The following ESRRG variants were observed in gnomAD, a reference collection of about 807,000 sequenced individuals.
ESRRG encodes the protein estrogen-related receptor gamma.
Under a neutral mutation model 44.0 loss-of-function variants are expected in ESRRG, and 13 were observed. The ratio of observed to expected loss-of-function variants is 0.30; its 90% CI spans 0.19 to 0.47. The LOEUF is 0.47. Ranked by LOEUF, ESRRG falls within the 20% of genes least tolerant of loss-of-function variation. The pLI, the probability that ESRRG is intolerant of heterozygous loss-of-function variation, is 1.00. For synonymous variants in ESRRG, 215 were observed against 214.6 expected (o/e 1.00, Z -0.02); for missense variants, 395 against 580.6 (o/e 0.68, Z 3.29).
chr1:216,610,679 G>A (rs2060527610), intron 3 of ESRRG, among the ~76,000 whole-genome samples: 1 of 152,094 alleles, frequency 6.6e-6, no homozygotes, highest in Admixed American at 6.5e-5. Flanking sequence ...AAAAAATTGT[G>A]TGTGTGTGTG....
chr1:216,740,731 C>A (rs144913715), intron 2 of ESRRG, among the ~76,000 whole-genome samples: 1 of 151,766 alleles, frequency 6.6e-6, no homozygotes, highest in South Asian at 2.1e-4. Context: ...TCTATATCAC[C>A]GACAGAGGAA....
chr1:216,565,030 C>T (rs1378222701), intron 4 of ESRRG, among the ~76,000 whole-genome samples: 3 of 152,144 alleles, frequency 2.0e-5, no homozygotes, highest in African/African-American at 7.2e-5. Context: ...TAAAAATACT[C>T]CTCCTTAAAT....
intron 3 of ESRRG, among the ~76,000 whole-genome samples, chr1:216,636,301 T>C (rs2065282560): frequency 6.6e-6 from 1 of 152,216 alleles, no homozygotes; most frequent in Admixed American, 6.5e-5. Context: ...AATTTTGCAA[T>C]GGGAGAAGAA....
At chr1:216,879,267 C>A (rs1395197697) in intron 2 of ESRRG, among the ~76,000 whole-genome samples, 1 of 152,014 alleles carries the variant, frequency 6.6e-6, no homozygotes, top group Non-Finnish European at 1.5e-5. Flanking sequence ...GGTTATGGAG[C>A]ACTGAACTCA....
At chr1:216,729,537 A>T (rs1265740045) in intron 2 of ESRRG, among the ~76,000 whole-genome samples, 1 of 152,186 alleles carries the variant, frequency 6.6e-6, no homozygotes, top group Non-Finnish European at 1.5e-5. Context: ...ATTGCTTGCC[A>T]TACTGCCACA....
intron 5 of ESRRG, among the ~76,000 whole-genome samples, chr1:216,541,352 T>C (rs2052657014): frequency 6.6e-6 from 1 of 152,052 alleles, no homozygotes; most frequent in Non-Finnish European, 1.5e-5. Flanking sequence ...AATGCTTCTA[T>C]CTGCTTTAAT....
chr1:216,765,982 G>C (rs2093054674), intron 2 of ESRRG, among the ~76,000 whole-genome samples: 1 of 152,092 alleles, frequency 6.6e-6, no homozygotes, highest in Non-Finnish European at 1.5e-5. Context: ...AGTAGCAATA[G>C]AAACAGAAAC....
chr1:216,859,522 T>A (rs2096012311), intron 2 of ESRRG, among the ~76,000 whole-genome samples: 1 of 152,156 alleles, frequency 6.6e-6, no homozygotes, highest in Admixed American at 6.5e-5. Flanking sequence ...GCAAGGAAAC[T>A]ATTGAAGGCT....
intron 2 of ESRRG, among the ~76,000 whole-genome samples, chr1:216,776,318 A>G (rs1245997221): frequency 6.6e-6 from 1 of 151,952 alleles, no homozygotes; most frequent in East Asian, 1.9e-4. Flanking sequence ...CTCCCAACAC[A>G]CATTTTCCCT....
intron 1 of ESRRG, among the ~76,000 whole-genome samples, chr1:217,031,489 C>T (rs891708468): frequency 1.3e-5 from 2 of 152,262 alleles, no homozygotes; most frequent in African/African-American, 4.8e-5. Flanking sequence ...AACCTTACAG[C>T]TTTCAGCTTT....
chr1:216,998,644 A>G (rs11572442), intron 1 of ESRRG, among the ~76,000 whole-genome samples: 3,784 of 152,274 alleles, frequency 0.025, 151 homozygotes, highest in African/African-American at 0.085. Context: ...AGTGATTTTA[A>G]TCTCAGCAAT....
intron 1 of ESRRG, chr1:216,714,517 C>A: frequency 3.4e-6 from 3 of 889,432 alleles, no homozygotes; most frequent in Non-Finnish European, 4.0e-6. Flanking sequence ...CGAACTTACC[C>A]CAGAAACTGA....
At chr1:216,678,150 T>C (rs967971680) in intron 1 of ESRRG, among the ~76,000 whole-genome samples, 2 of 152,232 alleles carry the variant, frequency 1.3e-5, no homozygotes, top group South Asian at 2.1e-4. Flanking sequence ...CTCTATTTCA[T>C]AGCCATTTGG....
chr1:216,860,894 T>A (rs2096041721), intron 2 of ESRRG, among the ~76,000 whole-genome samples: 1 of 152,078 alleles, frequency 6.6e-6, no homozygotes, highest in Non-Finnish European at 1.5e-5. Flanking sequence ...ACAAAAATCA[T>A]AACGACAATG....
intron 3 of ESRRG, among the ~76,000 whole-genome samples, chr1:216,589,929 G>C (rs2057367799): frequency 2.4e-5 from 1 of 41,748 alleles, no homozygotes; most frequent in South Asian, 6.5e-4. Flanking sequence ...AAAAAAAAGA[G>C]GTGAGGTTCA....
At chr1:216,542,110 G>T (rs955383861) in intron 5 of ESRRG, among the ~76,000 whole-genome samples, 53 of 147,498 alleles carry the variant, frequency 3.6e-4, no homozygotes, top group African/African-American at 1.2e-3. Flanking sequence ...GAGAGAGAGA[G>T]ATAGAATGTT....
intron 3 of ESRRG, among the ~76,000 whole-genome samples, chr1:216,628,739 C>A (rs889117031): frequency 2.0e-5 from 3 of 152,064 alleles, no homozygotes; most frequent in African/African-American, 7.2e-5. Flanking sequence ...CTAATATGAT[C>A]CCAAACAAGA....
At chr1:217,074,204 T>A (rs2090968790) in intron 1 of ESRRG, among the ~76,000 whole-genome samples, 1 of 151,902 alleles carries the variant, frequency 6.6e-6, no homozygotes, top group South Asian at 2.1e-4. Flanking sequence ...CCCACCACCG[T>A]GCCTGGCTAA....
chr1:216,525,502 T>C (rs111855358), intron 5 of ESRRG, among the ~76,000 whole-genome samples: 12,714 of 139,482 alleles, frequency 0.091, 706 homozygotes, highest in African/African-American at 0.17. Context: ...TGGAGGCAAG[T>C]ATGGGCTGAG....
Sources: allele counts gnomAD v4.1 joint callset (sites outside exome capture counted in the v4.1 genomes callset), GRCh38; gene constraint gnomAD v4.1.1; transcripts MANE v1.5; gene names NCBI Gene and HGNC (gene_info 2026-07-23, HGNC 2026-07-21).